Variants in MXRA8 observed in about 807,000 individuals in gnomAD.
MXRA8 encodes matrix remodeling-associated protein 8.
In MXRA8, 44 loss-of-function variants were observed where a neutral mutation model predicts 51.4. The ratio of observed to expected loss-of-function variants is 0.86; its 90% confidence interval spans 0.67 to 1.10. MXRA8 has a LOEUF of 1.10. Ranked by LOEUF, MXRA8 falls within the 50% of genes least tolerant of loss-of-function variation. The pLI, the probability that MXRA8 is intolerant of heterozygous loss-of-function variation, is 0.00. For missense variants in MXRA8, 765 were observed against 638.9 expected (o/e 1.20, Z -2.13); for synonymous variants, 369 against 293.5 (o/e 1.26, Z -2.63).
chr1:1,359,930 C>T (rs1644199299), upstream of MXRA8, among the ~76,000 whole-genome samples: 1 of 152,260 alleles, frequency 6.6e-6, no homozygotes, highest in East Asian at 1.9e-4. Context: ...TTAGTGCTGG[C>T]AGCTGCCCGC....
At chr1:1,363,081 C>CAA (rs200811419), upstream of MXRA8, among the ~76,000 whole-genome samples, 1,957 of 126,324 alleles carry the variant, frequency 0.015, 53 homozygotes, top group African/African-American at 0.05. Context: ...GACTCCGTCT[C>CAA]AAAAAAAAAA....
intron 3 of MXRA8, 25 bp downstream of exon 3, chr1:1,355,425 C>T (rs1475085432): frequency 4.0e-6 from 6 of 1,484,448 alleles, no homozygotes; most frequent in African/African-American, 1.5e-5. Flanking sequence ...CCCGACCCCG[C>T]GGCCCCGGTC....
In MXRA8 at chr1:1,355,519, G is replaced by A. The variant is rs754929509; in HGVS notation, c.307C>T (p.Arg103Trp). 15 of 1,501,694 alleles carry A rather than the reference G, an allele frequency of 1.0e-5. 1 individual carries two copies. In the Middle Eastern group the frequency reaches 8.6e-4, roughly 86 times the overall value. 93.0% of individuals were successfully genotyped at this position (1,501,694 alleles called of 1,614,324 possible). A position where few individuals can be genotyped will look rare whatever the true frequency, so the allele number is the denominator to read the frequency against. ...GAGAGCTCCAGGCGGCCGCGGTCCCGCGCCTCGTACACGCGCTGCTCGCCC... is the reference window on the plus strand; with the variant it reads ...GAGAGCTCCAGGCGGCCGCGGTCCCACGCCTCGTACACGCGCTGCTCGCCC... ...SAGEQRVYEA[R>W]DRGRLELSAS... Residue 103 changes from arginine (R) to tryptophan (W), a missense_variant, in exon 3 of 10, where the codon CGG (arginine) becomes TGG (tryptophan). Physicochemically the swap from Arg to Trp is moderately radical, Grantham distance 101 (BLOSUM62 -3). Transcript: ENST00000309212.
chr1:1,357,421 C>T (rs1158305070), intron 1 of MXRA8, among the ~76,000 whole-genome samples: 3 of 152,132 alleles, frequency 2.0e-5, no homozygotes, highest in Admixed American at 6.5e-5. Context: ...ACAGACCCCA[C>T]GCCCCACATG....
At chr1:1,359,944 C>T (rs900786351), upstream of MXRA8, among the ~76,000 whole-genome samples, 4 of 152,224 alleles carry the variant, frequency 2.6e-5, no homozygotes, top group Admixed American at 6.5e-5. Flanking sequence ...TGCCCGCCCG[C>T]CCATGTCTGT....
intron 9 of MXRA8, 91 bp from the exon 10 acceptor site, chr1:1,353,720 AG>A (rs1170902227): frequency 2.0e-4 from 290 of 1,476,292 alleles, no homozygotes; most frequent in Non-Finnish European, 2.6e-4. Context: ...AGGACTCCCC[AG>A]GGATTTCTGA....
chr1:1,358,431 C>A, intron 1 of MXRA8, 25 bp downstream of exon 1: 1 of 1,598,246 alleles, frequency 6.3e-7, no homozygotes, highest in Non-Finnish European at 8.5e-7. Flanking sequence ...CACCCCCCAC[C>A]CGCCTCCCAG....
upstream of MXRA8, chr1:1,359,397 A>G (rs918893727): frequency 1.4e-5 from 14 of 985,428 alleles, no homozygotes; most frequent in South Asian, 3.8e-4. Context: ...ATGCGAAATA[A>G]CAGCCTGCAC....
chr1:1,362,432 C>T (rs1281403486), upstream of MXRA8, among the ~76,000 whole-genome samples: 5 of 151,966 alleles, frequency 3.3e-5, no homozygotes, highest in African/African-American at 9.7e-5. Context: ...CACATCGCCC[C>T]GGAATCATGA....
upstream of MXRA8, among the ~76,000 whole-genome samples, chr1:1,359,993 C>G (rs918587557): frequency 2.6e-5 from 4 of 152,370 alleles, no homozygotes; most frequent in African/African-American, 9.6e-5. Context: ...TCTGCAGTCT[C>G]TGTCTCCTTC....
upstream of MXRA8, chr1:1,361,092 GAC>G (rs1351003032): frequency 3.1e-4 from 209 of 678,268 alleles, no homozygotes; most frequent in Non-Finnish European, 3.8e-4. Context: ...GCGCACACAC[GAC>G]ACACATGGAG....
upstream of MXRA8, among the ~76,000 whole-genome samples, chr1:1,362,607 CTG>C (rs1644233918): frequency 6.6e-6 from 1 of 151,836 alleles, no homozygotes; most frequent in Non-Finnish European, 1.5e-5. Context: ...TGGTGAAACC[CTG>C]TCTCTACTAA....
rs552411092 is a variant in MXRA8, at chr1:1,358,437, C to T, written c.49+19G>A. The T allele has an allele frequency of 2.5e-5, 40 of 1,606,290 alleles. No individual in the cohort carries two copies. Among genetic ancestry groups the T allele is most frequent in the Admixed American group, 1.9e-4 (11 of 58,838 alleles). ...CCCACGTGCCACCCCCCACCCGCCT[C>T]CCAGGGCCCCACACTCACTCTGCAG... On this transcript the variant is annotated intron_variant, in intron 1 of 9. Coordinates refer to ENST00000309212, the MANE Select transcript of MXRA8 (RefSeq NM_032348.4).
rs1464659766 is a variant in MXRA8, at chr1:1,354,674, T to G, written c.949+8A>C. 3 of 1,562,164 alleles carry G rather than the reference T, an allele frequency of 1.9e-6. No homozygotes were observed. The highest frequency in any genetic ancestry group is 1.9e-5 in the Admixed American group (1 of 52,388). ...CGCCTTCCCGGGTCCCAGGGAGGCC[T>G]CCTTCACCTGGGCCTGGGGCGCCGC... On this transcript the variant is annotated splice_region_variant and intron_variant, in intron 5 of 9. Coordinates refer to ENST00000309212, the MANE Select transcript of MXRA8 (RefSeq NM_032348.4).
upstream of MXRA8, chr1:1,358,888 C>T: frequency 2.0e-6 from 2 of 1,019,104 alleles, no homozygotes; most frequent in East Asian, 9.2e-5. Context: ...GCCCCTCCGC[C>T]CCACCTCTGG....
At chr1:1,360,302 A>G (rs35705386), upstream of MXRA8, among the ~76,000 whole-genome samples, 133,442 of 152,228 alleles carry the variant, frequency 0.88, 58,846 homozygotes, top group Non-Finnish European at 0.94. Context: ...GCTGACCCCC[A>G]TGGGGCCCTG....
In MXRA8 at chr1:1,356,688, CAGG is replaced by C. The variant is rs1297265067; in HGVS notation, c.63_65del (p.Leu22del). On this transcript the variant is annotated inframe_deletion, in exon 2 of 10. Coordinates refer to ENST00000309212, the MANE Select transcript of MXRA8 (RefSeq NM_032348.4). ...GGGGCTGGGGTCACTAACCTGAGTG[CAGG>C]AGAACAGCAGAGCCTGGAAGGAGAG... 1 of 1,426,458 alleles carries C rather than the reference CAGG, an allele frequency of 7.0e-7. No individual in the cohort carries two copies. The highest frequency in any genetic ancestry group is 9.3e-7 in the Non-Finnish European group (1 of 1,078,404). 88.4% of individuals were successfully genotyped at this position (1,426,458 alleles called of 1,614,324 possible). A position where few individuals can be genotyped will look rare whatever the true frequency, so the allele number is the denominator to read the frequency against.
At chr1:1,360,676 TG>T (rs547538577), upstream of MXRA8, among the ~76,000 whole-genome samples, 557 of 152,260 alleles carry the variant, frequency 3.7e-3, 1 homozygote, top group Non-Finnish European at 5.8e-3. Flanking sequence ...CTCTGGGGGT[TG>T]GGGTGGAGCA....
chr1:1,357,103 C>T (rs552397545), intron 1 of MXRA8, among the ~76,000 whole-genome samples: 3 of 152,162 alleles, frequency 2.0e-5, no homozygotes, highest in South Asian at 2.1e-4. Flanking sequence ...GACCCTCAGA[C>T]GCTGGGGACC....
Sources: allele counts gnomAD v4.1 joint callset (sites outside exome capture counted in the v4.1 genomes callset), GRCh38; gene constraint gnomAD v4.1.1; transcripts MANE v1.5; gene names NCBI Gene and HGNC (gene_info 2026-07-23, HGNC 2026-07-21).